The following RBFOX1 variants were observed in gnomAD, a reference collection of about 807,000 sequenced individuals.
RBFOX1 encodes the protein RNA binding protein fox-1 homolog 1.
In RBFOX1, 8 loss-of-function variants were observed where a neutral mutation model predicts 57.7. That is an observed-to-expected ratio of 0.14 (90% CI 0.08 to 0.25). The LOEUF (loss-of-function observed/expected upper bound fraction) is 0.25, where lower values mean the gene tolerates loss of function less well. Ranked by LOEUF, RBFOX1 falls within the 10% of genes least tolerant of loss-of-function variation. The pLI, the probability that RBFOX1 is intolerant of heterozygous loss-of-function variation, is 1.00. For synonymous variants in RBFOX1, 326 were observed against 222.4 expected, an observed-to-expected ratio of 1.47 and a Z score of -4.15; for missense variants, 611 against 548.5, an observed-to-expected ratio of 1.11 and a Z score of -1.14.
chr16:7,086,335 C>A (rs2059974968), intron 4 of RBFOX1, among the ~76,000 whole-genome samples: 2 of 152,030 alleles, frequency 1.3e-5, no homozygotes, highest in African/African-American at 2.4e-5. Flanking sequence ...AAACTCAGAC[C>A]TGAGCAAGAG....
intron 7 of RBFOX1, among the ~76,000 whole-genome samples, chr16:7,594,112 C>T (rs2094573597): frequency 6.6e-6 from 1 of 152,084 alleles, no homozygotes; most frequent in African/African-American, 2.4e-5. Flanking sequence ...TCTCCTAACG[C>T]TATCCCTCCC....
At chr16:7,542,939 C>T (rs9925812) in intron 5 of RBFOX1, among the ~76,000 whole-genome samples, 25,570 of 151,902 alleles carry the variant, frequency 0.17, 2,696 homozygotes, top group East Asian at 0.36. Flanking sequence ...CACATACAAA[C>T]AAGAAAGGCA....
chr16:6,831,148 G>A (rs2092681448), intron 3 of RBFOX1, among the ~76,000 whole-genome samples: 1 of 152,268 alleles, frequency 6.6e-6, no homozygotes, highest in South Asian at 2.1e-4. Flanking sequence ...AAGCGGTTTT[G>A]CTCATTATAA....
rs148730677 is a variant in RBFOX1, at chr16:6,590,322, G to A, written c.-63-64281G>A. Reference sequence around the variant, plus strand: ...CCTTAGCCAAATGGCCTCAACCATCGGATTTGCCTGTAGGTGTCATTCATT... The same window carrying A: ...CCTTAGCCAAATGGCCTCAACCATCAGATTTGCCTGTAGGTGTCATTCATT... On this transcript the variant is annotated intron_variant, in intron 2 of 15. Coordinates refer to ENST00000550418, the MANE Select transcript of RBFOX1 (RefSeq NM_018723.4). Among the ~76,000 whole-genome samples, 363 of 152,176 alleles carry A rather than the reference G, an allele frequency of 2.4e-3. 1 individual carries two copies. Among genetic ancestry groups the A allele is most frequent in the Non-Finnish European group, 3.8e-3 (258 of 68,006 alleles).
Position 5,889,898 on chromosome 16 carries a change from G to A in RBFOX1, c.351+22563G>A, listed in dbSNP as rs573544759. ...GCTGGAAAGAGGAGAGACTGGATGC[G>A]GCCTGGAGCACAGGATCTGGCAGAG... On this transcript the variant is annotated intron_variant, in intron 4 of 19. Transcript: ENST00000641259. 3.9e-5 allele frequency among the ~76,000 whole-genome samples: 6 copies of A among 152,322 alleles called. No homozygotes were observed. In the South Asian group the frequency reaches 6.2e-4, roughly 16 times the overall value.
At chr16:6,317,131 T>G in intron 2 of RBFOX1, 74 bp downstream of exon 2, 1 of 1,371,304 alleles carries the variant, frequency 7.3e-7, no homozygotes, top group Non-Finnish European at 1.0e-6. Context: ...TCTGAAAAGC[T>G]CTTTTCTGCA....
At chr16:6,613,299 C>G (rs1421962359) in intron 2 of RBFOX1, among the ~76,000 whole-genome samples, 1 of 152,016 alleles carries the variant, frequency 6.6e-6, no homozygotes, top group Non-Finnish European at 1.5e-5. Flanking sequence ...TAAGGGTAAA[C>G]TTGGGAAGGA....
intron 4 of RBFOX1, among the ~76,000 whole-genome samples, chr16:7,160,295 G>C (rs1040907004): frequency 2.0e-5 from 3 of 151,926 alleles, no homozygotes; most frequent in African/African-American, 7.3e-5. Flanking sequence ...TTTCAGGCAA[G>C]TTGCATTAGT....
chr16:7,143,312 G>A (rs2074241042), intron 4 of RBFOX1, among the ~76,000 whole-genome samples: 1 of 151,914 alleles, frequency 6.6e-6, no homozygotes, highest in African/African-American at 2.4e-5. Context: ...CTCCTCCACC[G>A]CATTCCCGAC....
rs1035941338 is a variant in RBFOX1, at chr16:7,643,078, G to T, written c.758-10737G>T. 2.6e-5 allele frequency among the ~76,000 whole-genome samples: 4 copies of T among 152,310 alleles called. No individual in the cohort carries two copies. In the South Asian group the frequency reaches 8.3e-4, roughly 32 times the overall value. ...TAGCCATTTATAACCTGTGAGGAAAGATACAACAGCTAACTTTGGGAGGTA... is the reference window on the plus strand; with the variant it reads ...TAGCCATTTATAACCTGTGAGGAAATATACAACAGCTAACTTTGGGAGGTA... On this transcript the variant is annotated intron_variant, in intron 11 of 15. Coordinates refer to ENST00000550418, the MANE Select transcript of RBFOX1 (RefSeq NM_018723.4).
At chr16:5,659,671 G>C (rs763339165) in intron 3 of RBFOX1, among the ~76,000 whole-genome samples, 2 of 152,162 alleles carry the variant, frequency 1.3e-5, no homozygotes, top group African/African-American at 2.4e-5. Flanking sequence ...GATTCAGGGA[G>C]TCTGAAAATG....
At chr16:7,179,566 T>C (rs959524379) in intron 4 of RBFOX1, among the ~76,000 whole-genome samples, 2 of 152,162 alleles carry the variant, frequency 1.3e-5, no homozygotes, top group African/African-American at 4.8e-5. Flanking sequence ...TTGTCAGACA[T>C]TTTAAATTTA....
chr16:5,255,322 TTCCATCCATCCA>T (rs3041858), intron 1 of RBFOX1, among the ~76,000 whole-genome samples: 38 of 119,474 alleles, frequency 3.2e-4, no homozygotes, highest in African/African-American at 6.6e-4. Context: ...CCACACTTCC[TTCCATCCATCCA>T]TCCATCCATC....
chr16:6,773,571 G>A (rs1196360402), intron 3 of RBFOX1, among the ~76,000 whole-genome samples: 3 of 128,896 alleles, frequency 2.3e-5, no homozygotes, highest in Non-Finnish European at 4.8e-5. Flanking sequence ...TGTATGTGTG[G>A]GTGTGGGGTG....
At chr16:7,310,157 G>C (rs770008368) in intron 4 of RBFOX1, among the ~76,000 whole-genome samples, 3 of 152,188 alleles carry the variant, frequency 2.0e-5, no homozygotes, top group Non-Finnish European at 2.9e-5. Flanking sequence ...CTGAATACAG[G>C]TGAGCTAGCC....
chr16:5,390,718 C>T (rs995064134), intron 1 of RBFOX1, among the ~76,000 whole-genome samples: 16 of 152,200 alleles, frequency 1.1e-4, no homozygotes, highest in African/African-American at 3.6e-4. Flanking sequence ...GGATGACCCA[C>T]ACCTAACCCC....
chr16:7,129,307 G>A (rs954782388), intron 4 of RBFOX1, among the ~76,000 whole-genome samples: 1 of 152,090 alleles, frequency 6.6e-6, no homozygotes, highest in Admixed American at 6.5e-5. Context: ...TCATCGGTTT[G>A]GTTAGATTTG....
intron 3 of RBFOX1, among the ~76,000 whole-genome samples, chr16:6,859,152 T>TATATAGAC (rs1491258507): frequency 2.6e-5 from 2 of 77,140 alleles, no homozygotes; most frequent in East Asian, 9.7e-4. Context: ...TATATATATA[T>TATATAGAC]GTATATATAT....
At chr16:5,873,163 CAA>C (rs1491223143) in intron 4 of RBFOX1, among the ~76,000 whole-genome samples, 1 of 140,202 alleles carries the variant, frequency 7.1e-6, no homozygotes, top group Non-Finnish European at 1.6e-5. Context: ...AACAAAGAAA[CAA>C]ACAACAACAA....
Sources: allele counts gnomAD v4.1 joint callset (sites outside exome capture counted in the v4.1 genomes callset), GRCh38; gene constraint gnomAD v4.1.1; transcripts MANE v1.5; gene names NCBI Gene and HGNC (gene_info 2026-07-23, HGNC 2026-07-21).